CRPPA: variants seen among roughly 807,000 people sequenced by gnomAD.
The protein encoded by CRPPA is CDP-L-ribitol pyrophosphorylase A.
CRPPA carries 43 observed loss-of-function variants against 52.0 expected under a neutral mutation model. That is an observed-to-expected ratio of 0.83 (90% CI 0.65 to 1.07). The LOEUF (loss-of-function observed/expected upper bound fraction) is 1.07, where lower values mean the gene tolerates loss of function less well. Among genes scored for constraint, CRPPA ranks in the 50% least tolerant of loss-of-function variants. CRPPA has a pLI of 0.00. For missense variants in CRPPA, 629 were observed against 551.7 expected, an observed-to-expected ratio of 1.14 and a Z score of -1.40; for synonymous variants, 250 against 203.5, an observed-to-expected ratio of 1.23 and a Z score of -1.94.
At chr7:16,303,362 C>G (rs1014851303) in intron 4 of CRPPA, among the ~76,000 whole-genome samples, 1 of 150,414 alleles carries the variant, frequency 6.6e-6, no homozygotes, top group Admixed American at 6.7e-5. Context: ...GTTAGCTAAT[C>G]TGGAGGATAA....
At chr7:16,236,862 T>G (rs1187404616) in intron 8 of CRPPA, among the ~76,000 whole-genome samples, 1 of 152,106 alleles carries the variant, frequency 6.6e-6, no homozygotes, top group Non-Finnish European at 1.5e-5. Context: ...TGTCTATCCC[T>G]GGAACTCTAT....
chr7:16,358,378 C>T (rs997905060), intron 3 of CRPPA, among the ~76,000 whole-genome samples: 3 of 152,096 alleles, frequency 2.0e-5, no homozygotes, highest in East Asian at 1.9e-4. Context: ...AGCTGGGAAG[C>T]GATTAAGTGG....
chr7:16,326,078 C>T (rs144383805), intron 3 of CRPPA, among the ~76,000 whole-genome samples: 4 of 139,942 alleles, frequency 2.9e-5, no homozygotes, highest in Non-Finnish European at 4.7e-5. Context: ...AAAAAAAAAG[C>T]TCAGTGACAG....
At chr7:16,365,808 G>C (rs781420633) in intron 3 of CRPPA, among the ~76,000 whole-genome samples, 2 of 151,998 alleles carry the variant, frequency 1.3e-5, no homozygotes, top group Non-Finnish European at 2.9e-5. Context: ...AGACAACACT[G>C]ACAAACAGAT....
At chr7:16,246,383 T>C (rs947790423) in intron 8 of CRPPA, among the ~76,000 whole-genome samples, 18 of 152,284 alleles carry the variant, frequency 1.2e-4, no homozygotes, top group African/African-American at 3.8e-4. Context: ...ACTTCCCCTG[T>C]TGAAGTCACA....
intron 4 of CRPPA, among the ~76,000 whole-genome samples, chr7:16,303,815 C>T (rs1784846865): frequency 6.6e-6 from 1 of 152,046 alleles, no homozygotes; most frequent in Non-Finnish European, 1.5e-5. Flanking sequence ...TGTTTTTAAA[C>T]AGATGCTGAA....
chr7:16,348,918 A>G (rs1786081349), intron 3 of CRPPA, among the ~76,000 whole-genome samples: 1 of 152,176 alleles, frequency 6.6e-6, no homozygotes, highest in African/African-American at 2.4e-5. Context: ...TCTGGAAGTC[A>G]ATGGGGCTTT....
intron 9 of CRPPA, among the ~76,000 whole-genome samples, chr7:16,159,468 C>CCACA (rs1783257289): frequency 6.6e-6 from 1 of 152,120 alleles, no homozygotes; most frequent in Non-Finnish European, 1.5e-5. Context: ...CCTGTGTTAG[C>CCACA]TTGCTGAGAA....
intron 8 of CRPPA, among the ~76,000 whole-genome samples, chr7:16,227,923 G>A (rs546060852): frequency 6.5e-4 from 99 of 151,944 alleles, no homozygotes; most frequent in African/African-American, 2.3e-3. Context: ...TTTGTATATG[G>A]TGTGAGATAA....
intron 4 of CRPPA, among the ~76,000 whole-genome samples, chr7:16,304,030 G>A (rs531984178): frequency 6.6e-6 from 1 of 152,288 alleles, no homozygotes; most frequent in South Asian, 2.1e-4. Flanking sequence ...GAAACAAGAT[G>A]TCTGTTCAAT....
chr7:16,310,777 T>C (rs1195979519), intron 3 of CRPPA, among the ~76,000 whole-genome samples: 2 of 152,130 alleles, frequency 1.3e-5, no homozygotes, highest in African/African-American at 2.4e-5. Context: ...GGTGAAAGTA[T>C]GCCAAGCCCA....
At chr7:16,364,105 T>C (rs1360175859) in intron 3 of CRPPA, among the ~76,000 whole-genome samples, 1 of 152,172 alleles carries the variant, frequency 6.6e-6, no homozygotes. Context: ...TAAAATTTAC[T>C]GAGGGTAGAA....
At chr7:16,238,849 C>A (rs1377740982) in intron 8 of CRPPA, among the ~76,000 whole-genome samples, 1 of 151,888 alleles carries the variant, frequency 6.6e-6, no homozygotes, top group Non-Finnish European at 1.5e-5. Flanking sequence ...AAAAAGAAGC[C>A]ATTTAGGTCT....
Position 16,091,678 on chromosome 7 carries a change from G to A in CRPPA, c.*17C>T. 7.2e-7 allele frequency: 1 copy of A among 1,393,132 alleles called. No homozygotes were observed. The highest frequency in any genetic ancestry group is 9.9e-7 in the Non-Finnish European group (1 of 1,007,706). The allele number at this position is 1,393,132 out of a possible 1,614,324, so 86.3% of individuals were successfully genotyped here. The stretch of plus-strand genomic sequence containing the variant: ...CGCAAATAGATGTTTTAGAAAATAG[G>A]TAATTTTTTGTGTTCTTCATGCTAT... On this transcript the variant is annotated 3_prime_UTR_variant, in exon 10 of 10. Transcript: ENST00000407010.
At chr7:16,352,887 A>G (rs1352908153) in intron 3 of CRPPA, among the ~76,000 whole-genome samples, 1 of 29,352 alleles carries the variant, frequency 3.4e-5, no homozygotes, top group Non-Finnish European at 8.2e-5. Context: ...TGGCACACAC[A>G]CACACACACA....
At chr7:16,337,208 A>T (rs938331511) in intron 3 of CRPPA, among the ~76,000 whole-genome samples, 16 of 152,306 alleles carry the variant, frequency 1.1e-4, no homozygotes, top group African/African-American at 3.8e-4. Flanking sequence ...TCCAGCACAG[A>T]TTACATGTTA....
intron 8 of CRPPA, among the ~76,000 whole-genome samples, chr7:16,235,161 G>C (rs192331019): frequency 6.6e-6 from 1 of 151,936 alleles, no homozygotes; most frequent in Non-Finnish European, 1.5e-5. Flanking sequence ...CGGTGGCTAT[G>C]GTAAGCTCAT....
chr7:16,385,641 T>G (rs1787243477), intron 2 of CRPPA, among the ~76,000 whole-genome samples: 2 of 152,214 alleles, frequency 1.3e-5, no homozygotes, highest in South Asian at 4.1e-4. Context: ...GAAGGACATT[T>G]GAAGACAGTA....
chr7:16,325,486 T>G (rs1226682914), intron 3 of CRPPA, among the ~76,000 whole-genome samples: 3 of 152,178 alleles, frequency 2.0e-5, no homozygotes, highest in Non-Finnish European at 2.9e-5. Flanking sequence ...CTCAGGAAGA[T>G]TCCATGGATA....
Sources: gnomAD v4.1 joint callset for allele counts (sites outside exome capture counted in the v4.1 genomes callset) on GRCh38, gnomAD v4.1.1 for gene constraint, MANE v1.5 for transcripts, NCBI Gene and HGNC (gene_info 2026-07-23, HGNC 2026-07-21) for gene names.